Variants in DCC observed in about 807,000 individuals in gnomAD.
The protein encoded by DCC is netrin receptor DCC.
A neutral mutation model predicts 172.5 loss-of-function variants in DCC; 58 were observed. That is an observed-to-expected ratio of 0.34 (90% confidence interval 0.27 to 0.42). DCC has a LOEUF of 0.42. Ranked by LOEUF, DCC falls within the 10% of genes least tolerant of loss-of-function variation. The probability of loss-of-function intolerance (pLI) is 1.00; values close to 1 mark genes in which losing one functional copy is unlikely to be tolerated. For synonymous variants in DCC, 709 were observed against 644.5 expected, an observed-to-expected ratio of 1.10 and a Z score of -1.52; for missense variants, 1,740 against 1,791.0, an observed-to-expected ratio of 0.97 and a Z score of 0.51.
At chr18:53,052,437 G>A (rs1341824473) in intron 5 of DCC, among the ~76,000 whole-genome samples, 1 of 151,782 alleles carries the variant, frequency 6.6e-6, no homozygotes, top group African/African-American at 2.4e-5. Flanking sequence ...ATTGTTGGCT[G>A]TATTATGTTT....
At chr18:52,996,742 T>G (rs1370489857) in intron 5 of DCC, among the ~76,000 whole-genome samples, 1 of 151,546 alleles carries the variant, frequency 6.6e-6, no homozygotes, top group African/African-American at 2.4e-5. Context: ...CTACTTGATT[T>G]ATTTCTCTTC....
intron 9 of DCC, among the ~76,000 whole-genome samples, chr18:53,204,689 C>T (rs2055597798): frequency 6.6e-6 from 1 of 151,882 alleles, no homozygotes; most frequent in South Asian, 2.1e-4. Context: ...GAAAATGGAA[C>T]ACTAAAATTC....
chr18:53,276,168 G>A (rs2056804708), intron 12 of DCC, among the ~76,000 whole-genome samples: 1 of 152,028 alleles, frequency 6.6e-6, no homozygotes, highest in Admixed American at 6.6e-5. Flanking sequence ...CTTCTCAGCT[G>A]GACAGGAATT....
intron 15 of DCC, among the ~76,000 whole-genome samples, chr18:53,358,055 T>G (rs1231510293): frequency 6.6e-6 from 1 of 152,206 alleles, no homozygotes; most frequent in African/African-American, 2.4e-5. Flanking sequence ...TAAATGCTTC[T>G]TATTTATGTT....
intron 1 of DCC, among the ~76,000 whole-genome samples, chr18:52,655,664 T>C (rs1462705133): frequency 6.6e-6 from 1 of 152,146 alleles, no homozygotes; most frequent in Non-Finnish European, 1.5e-5. Flanking sequence ...AGTAATGATA[T>C]TTTAAAGGAC....
chr18:53,296,366 T>C (rs1194147426), intron 12 of DCC, among the ~76,000 whole-genome samples: 1 of 152,190 alleles, frequency 6.6e-6, no homozygotes, highest in African/African-American at 2.4e-5. Flanking sequence ...ATAAATATTA[T>C]GTGCCAGCAC....
At chr18:53,045,507 G>C (rs1453694080) in intron 5 of DCC, among the ~76,000 whole-genome samples, 1 of 151,754 alleles carries the variant, frequency 6.6e-6, no homozygotes, top group Non-Finnish European at 1.5e-5. Context: ...GCCATCTATA[G>C]CTTAATACAC....
intron 1 of DCC, among the ~76,000 whole-genome samples, chr18:52,394,338 C>A (rs1598780792): frequency 1.3e-5 from 2 of 152,044 alleles, no homozygotes; most frequent in South Asian, 4.1e-4. Context: ...GTGATCATAG[C>A]TCACTACAGC....
intron 21 of DCC, among the ~76,000 whole-genome samples, chr18:53,431,549 G>A (rs868081314): frequency 4.6e-5 from 7 of 151,584 alleles, no homozygotes; most frequent in South Asian, 2.1e-4. Context: ...GTGCAGTGTC[G>A]CAGTCTCGGC....
chr18:52,743,791 C>A (rs759616262), intron 1 of DCC, among the ~76,000 whole-genome samples: 1 of 152,314 alleles, frequency 6.6e-6, no homozygotes, highest in Admixed American at 6.5e-5. Flanking sequence ...AACTCCACAT[C>A]TTACCTTTAT....
intron 7 of DCC, among the ~76,000 whole-genome samples, chr18:53,141,260 T>C (rs2043826117): frequency 2.0e-5 from 3 of 152,138 alleles, no homozygotes; most frequent in Non-Finnish European, 1.5e-5. Flanking sequence ...GATTTGAATA[T>C]AGGGAATGGG....
intron 1 of DCC, among the ~76,000 whole-genome samples, chr18:52,690,313 T>C (rs1200915976): frequency 6.6e-6 from 1 of 152,088 alleles, no homozygotes; most frequent in South Asian, 2.1e-4. Flanking sequence ...AAGACACATA[T>C]GTACAAACAC....
At chr18:52,942,398 G>A (rs1598953997) in intron 5 of DCC, among the ~76,000 whole-genome samples, 1 of 152,016 alleles carries the variant, frequency 6.6e-6, no homozygotes, top group East Asian at 1.9e-4. Flanking sequence ...ATACTATTTA[G>A]TATGGAAAGA....
intron 4 of DCC, among the ~76,000 whole-genome samples, chr18:52,924,460 CAA>C (rs972062545): frequency 2.6e-5 from 4 of 151,920 alleles, no homozygotes; most frequent in African/African-American, 9.7e-5. Context: ...CCAGCTATAA[CAA>C]ATATTTAAGG....
intron 15 of DCC, among the ~76,000 whole-genome samples, chr18:53,356,072 T>A (rs143231131): frequency 6.6e-6 from 1 of 152,216 alleles, no homozygotes; most frequent in East Asian, 1.9e-4. Flanking sequence ...TTTATTTTTT[T>A]GAGACAGGGT....
intron 2 of DCC, among the ~76,000 whole-genome samples, chr18:52,812,284 T>C (rs529889807): frequency 6.6e-6 from 1 of 152,364 alleles, no homozygotes; most frequent in East Asian, 1.9e-4. Context: ...AAGATCTTTC[T>C]TAGAATGTTA....
chr18:52,820,913 TCCC>T (rs2038393244), intron 2 of DCC, among the ~76,000 whole-genome samples: 1 of 151,940 alleles, frequency 6.6e-6, no homozygotes, highest in South Asian at 2.1e-4. Flanking sequence ...TTCTCCACCT[TCCC>T]TGAACTCTGA....
intron 2 of DCC, among the ~76,000 whole-genome samples, chr18:52,815,424 ACACAC>A (rs2038276967): frequency 6.6e-6 from 1 of 151,792 alleles, no homozygotes; most frequent in Non-Finnish European, 1.5e-5. Context: ...ACACACACAC[ACACAC>A]ACACACACGT....
At chr18:52,990,511 C>A (rs1297521506) in intron 5 of DCC, among the ~76,000 whole-genome samples, 1 of 143,308 alleles carries the variant, frequency 7.0e-6, no homozygotes, top group Non-Finnish European at 1.5e-5. Flanking sequence ...TTGCACTCCA[C>A]CCTGGGCAAC....
Sources: allele counts gnomAD v4.1 joint callset (sites outside exome capture counted in the v4.1 genomes callset), GRCh38; gene constraint gnomAD v4.1.1; transcripts MANE v1.5; gene names NCBI Gene and HGNC (gene_info 2026-07-23, HGNC 2026-07-21).